SKA2: variants seen among roughly 807,000 people sequenced by gnomAD.
The protein encoded by SKA2 is spindle and kinetochore-associated protein 2.
SKA2 carries 13 observed loss-of-function variants against 16.9 expected under a neutral mutation model. That is an observed-to-expected ratio of 0.77 (90% confidence interval 0.50 to 1.22). The LOEUF (loss-of-function observed/expected upper bound fraction) is 1.22. Among genes scored for constraint, SKA2 ranks in the 50% most tolerant of loss-of-function variants. SKA2 has a pLI of 0.00. For synonymous variants in SKA2, 47 were observed against 48.5 expected (o/e 0.97, Z 0.13); for missense variants, 107 against 139.7 (o/e 0.77, Z 1.18).
rs982464315 is a variant in SKA2 at position 59,111,893 on chromosome 17, G to A, written c.*384C>T. The A allele has an allele frequency of 1.3e-4, 22 of 170,900 alleles. No individual in the cohort carries two copies. Among genetic ancestry groups the A allele is most frequent in the African/African-American group, 2.9e-4 (12 of 41,786 alleles). 10.6% of individuals were successfully genotyped at this position (170,900 alleles called of 1,614,324 possible). On this transcript the variant is annotated 3_prime_UTR_variant, in exon 4 of 4. Transcript: ENST00000330137. ...ACTTTAATTTACAAAGCCACATACC[G>A]AATGACTGAAATGTACATAAACATT...
rs1164899984 is a variant in SKA2 at position 59,112,108 on chromosome 17, CCTT to C, written c.*166_*168del. 13 of 591,774 alleles carry C rather than the reference CCTT, an allele frequency of 2.2e-5. No individual in the cohort carries two copies. Among genetic ancestry groups the C allele is most frequent in the African/African-American group, 7.6e-5 (4 of 52,946 alleles). 36.7% of individuals were successfully genotyped at this position (591,774 alleles called of 1,614,324 possible). Reference sequence around the variant, plus strand: ...TGAACTTTATTCATATATTATCTGCCCTTCTTCTTATAATCTCTCTCATGAAAG... The same window carrying C: ...TGAACTTTATTCATATATTATCTGCCCTTCTTATAATCTCTCTCATGAAAG... On this transcript the variant is annotated 3_prime_UTR_variant, in exon 4 of 4. Transcript: ENST00000330137.
intron 3 of SKA2, among the ~76,000 whole-genome samples, chr17:59,112,669 G>A (rs554558510): frequency 6.6e-6 from 1 of 152,148 alleles, no homozygotes; most frequent in Non-Finnish European, 1.5e-5. Flanking sequence ...GTATCTGTGG[G>A]AGATTGATTC....
intron 2 of SKA2, among the ~76,000 whole-genome samples, chr17:59,119,807 T>C (rs1432754645): frequency 6.6e-6 from 1 of 152,112 alleles, no homozygotes; most frequent in African/African-American, 2.4e-5. Context: ...TAATAAATTA[T>C]ACAATATTTC....
At chr17:59,132,877 T>C (rs2046420520) in intron 1 of SKA2, among the ~76,000 whole-genome samples, 1 of 152,238 alleles carries the variant, frequency 6.6e-6, no homozygotes, top group African/African-American at 2.4e-5. Flanking sequence ...TATGACTCAT[T>C]AAATACAAAA....
chr17:59,112,469 G>T, intron 3 of SKA2, 124 bp from the exon 4 acceptor site: 2 of 658,936 alleles, frequency 3.0e-6, no homozygotes, highest in Non-Finnish European at 4.9e-6. Context: ...TGTAATCACA[G>T]ATTTAGAAAG....
intron 1 of SKA2, chr17:59,137,946 C>G (rs1350811114): frequency 2.6e-6 from 1 of 379,188 alleles, no homozygotes; most frequent in African/African-American, 2.2e-5. Flanking sequence ...TCTGATAAAT[C>G]GCGCAAATTT....
chr17:59,124,955 T>C (rs115398376), intron 2 of SKA2, among the ~76,000 whole-genome samples: 1,534 of 151,552 alleles, frequency 0.01, 27 homozygotes, highest in African/African-American at 0.035. Context: ...AGTAACTGGC[T>C]GTTGGGAACC....
intron 3 of SKA2, among the ~76,000 whole-genome samples, chr17:59,117,734 AT>A (rs1198668823): frequency 6.6e-6 from 1 of 151,888 alleles, no homozygotes; most frequent in Non-Finnish European, 1.5e-5. Context: ...ATACTACCTC[AT>A]TTTTAAAGCA....
rs903816941 is a variant in SKA2, at chr17:59,139,952, C to T, written c.34-8585G>A. 5.9e-5 allele frequency among the ~76,000 whole-genome samples: 9 copies of T among 152,242 alleles called. No homozygotes were observed. In the South Asian group the frequency reaches 1.7e-3, roughly 28 times the overall value. On this transcript the variant is annotated intron_variant, in intron 1 of 3. Transcript: ENST00000330137. ...GGGAACCCAACTACCCTTTAAAACACGTTTTAAGGGAAATATTTCAAGTTC... is the reference window on the plus strand; with the variant it reads ...GGGAACCCAACTACCCTTTAAAACATGTTTTAAGGGAAATATTTCAAGTTC...
intron 3 of SKA2, among the ~76,000 whole-genome samples, chr17:59,117,374 A>G (rs754047092): frequency 1.3e-5 from 2 of 151,984 alleles, no homozygotes; most frequent in Non-Finnish European, 2.9e-5. Flanking sequence ...TGAACTTTCT[A>G]CTACTATCTC....
At chr17:59,143,621 A>G (rs1229702670) in intron 1 of SKA2, among the ~76,000 whole-genome samples, 1 of 151,518 alleles carries the variant, frequency 6.6e-6, no homozygotes, top group Non-Finnish European at 1.5e-5. Context: ...TGATCTGCCC[A>G]CCTCAGCCTC....
chr17:59,119,904 A>T (rs2046321064), intron 2 of SKA2, among the ~76,000 whole-genome samples: 1 of 151,892 alleles, frequency 6.6e-6, no homozygotes, highest in African/African-American at 2.4e-5. Flanking sequence ...GAAACTACTT[A>T]TAAAAATCTT....
intron 3 of SKA2, among the ~76,000 whole-genome samples, chr17:59,114,121 T>C (rs114747369): frequency 1.6e-3 from 249 of 152,274 alleles, no homozygotes; most frequent in African/African-American, 5.8e-3. Context: ...TTCCAGACTA[T>C]CCTTACTCAC....
intron 1 of SKA2, among the ~76,000 whole-genome samples, chr17:59,136,840 C>G (rs1239226855): frequency 6.6e-6 from 1 of 152,118 alleles, no homozygotes. Context: ...AGCTACCACG[C>G]CCAGCCGAAA....
intron 1 of SKA2, among the ~76,000 whole-genome samples, chr17:59,147,377 G>GACACACACATACACAC (rs2046541484): frequency 7.2e-6 from 1 of 138,218 alleles, no homozygotes; most frequent in East Asian, 2.1e-4. Flanking sequence ...TTATATATAA[G>GACACACACATACACAC]ACACACACAC....
intron 1 of SKA2, among the ~76,000 whole-genome samples, chr17:59,139,455 TTAAG>T (rs1467649593): frequency 1.3e-5 from 2 of 149,604 alleles, no homozygotes; most frequent in African/African-American, 4.9e-5. Context: ...TAAGGGAGAA[TTAAG>T]TATCTTAATG....
chr17:59,133,473 A>C (rs1477172888), intron 1 of SKA2, among the ~76,000 whole-genome samples: 1 of 152,110 alleles, frequency 6.6e-6, no homozygotes, highest in African/African-American at 2.4e-5. Flanking sequence ...GTTTGCAGGG[A>C]GGGTGCTGCT....
intron 1 of SKA2, among the ~76,000 whole-genome samples, chr17:59,140,307 G>A (rs955173526): frequency 2.5e-4 from 38 of 151,664 alleles, no homozygotes; most frequent in African/African-American, 8.2e-4. Flanking sequence ...TCAGCTCACT[G>A]GGTTCAAGCC....
intron 3 of SKA2, among the ~76,000 whole-genome samples, chr17:59,113,032 C>T (rs2046273757): frequency 6.6e-6 from 1 of 151,946 alleles, no homozygotes; most frequent in Non-Finnish European, 1.5e-5. Context: ...CCCACCTCAG[C>T]CTCCCGAGTA....
Sources: allele counts gnomAD v4.1 joint callset (sites outside exome capture counted in the v4.1 genomes callset), GRCh38; gene constraint gnomAD v4.1.1; transcripts MANE v1.5; gene names NCBI Gene and HGNC (gene_info 2026-07-23, HGNC 2026-07-21).